Variants in CACNA2D3 observed in about 807,000 individuals in gnomAD.
CACNA2D3 encodes the protein voltage-dependent calcium channel subunit alpha-2/delta-3.
CACNA2D3 carries 60 observed loss-of-function variants against 160.6 expected under a neutral mutation model. The observed-to-expected ratio is 0.37, with a 90% CI of 0.30 to 0.46. The LOEUF (loss-of-function observed/expected upper bound fraction) is 0.46. CACNA2D3 is among the 20% of genes least tolerant of loss of function. The probability of loss-of-function intolerance (pLI) is 1.00; values close to 1 mark genes in which losing one functional copy is unlikely to be tolerated. For missense variants in CACNA2D3, 1,205 were observed against 1,365.0 expected, an observed-to-expected ratio of 0.88 and a Z score of 1.85; for synonymous variants, 558 against 492.9, an observed-to-expected ratio of 1.13 and a Z score of -1.75.
At chr3:54,812,227 A>G (rs1703336514) in intron 13 of CACNA2D3, among the ~76,000 whole-genome samples, 1 of 152,204 alleles carries the variant, frequency 6.6e-6, no homozygotes, top group African/African-American at 2.4e-5. Flanking sequence ...AACTGCTTAT[A>G]TCTTTAATAG....
intron 31 of CACNA2D3, among the ~76,000 whole-genome samples, chr3:54,988,966 T>G (rs1363721460): frequency 6.6e-6 from 1 of 152,246 alleles, no homozygotes; most frequent in Non-Finnish European, 1.5e-5. Flanking sequence ...TCTTCTTTGC[T>G]GGGAGTCATT....
chr3:54,420,687 T>A (rs1420354561), intron 4 of CACNA2D3, among the ~76,000 whole-genome samples: 1 of 152,154 alleles, frequency 6.6e-6, no homozygotes, highest in African/African-American at 2.4e-5. Flanking sequence ...GGGGAGGAGA[T>A]GTACTATTAT....
intron 27 of CACNA2D3, among the ~76,000 whole-genome samples, chr3:54,951,281 G>C (rs940450132): frequency 6.6e-5 from 10 of 152,194 alleles, no homozygotes; most frequent in Non-Finnish European, 1.0e-4. Context: ...AATCCTGCCA[G>C]ATACCTCTGT....
intron 11 of CACNA2D3, among the ~76,000 whole-genome samples, chr3:54,658,690 G>A (rs920711300): frequency 2.6e-5 from 4 of 152,126 alleles, no homozygotes; most frequent in Non-Finnish European, 4.4e-5. Context: ...GCACAGCAAC[G>A]GATACAATCA....
At chr3:54,678,743 A>C (rs994993581) in intron 11 of CACNA2D3, among the ~76,000 whole-genome samples, 12 of 150,376 alleles carry the variant, frequency 8.0e-5, no homozygotes, top group Middle Eastern at 3.4e-3. Context: ...AAAAAAAAAA[A>C]AAAAAAGTTG....
chr3:54,987,846 C>G, intron 31 of CACNA2D3, 93 bp downstream of exon 31: 7 of 865,684 alleles, frequency 8.1e-6, no homozygotes, highest in Non-Finnish European at 1.2e-5. Context: ...CCAGACTTGA[C>G]CCTGTGGCTG....
At chr3:54,233,037 C>A (rs990317717) in intron 2 of CACNA2D3, among the ~76,000 whole-genome samples, 1 of 152,174 alleles carries the variant, frequency 6.6e-6, no homozygotes, top group African/African-American at 2.4e-5. Flanking sequence ...ACCAGAAAGA[C>A]AAATATGGCG....
intron 4 of CACNA2D3, among the ~76,000 whole-genome samples, chr3:54,462,938 G>GT (rs1487325694): frequency 6.7e-6 from 1 of 149,620 alleles, no homozygotes; most frequent in Non-Finnish European, 1.5e-5. Context: ...CATGTTTAGT[G>GT]CTTCCTTCAG....
At chr3:54,867,019 A>C (rs1037290823) in intron 17 of CACNA2D3, among the ~76,000 whole-genome samples, 1 of 152,266 alleles carries the variant, frequency 6.6e-6, no homozygotes, top group African/African-American at 2.4e-5. Context: ...TGGCTCTCAA[A>C]GTATCTGTTT....
intron 5 of CACNA2D3, among the ~76,000 whole-genome samples, chr3:54,556,615 AGAGGTG>A (rs2106695540): frequency 6.6e-6 from 1 of 152,316 alleles, no homozygotes; most frequent in South Asian, 2.1e-4. Context: ...TAAAAAGATG[AGAGGTG>A]GAGGTACAAG....
intron 4 of CACNA2D3, among the ~76,000 whole-genome samples, chr3:54,459,999 C>T (rs1410708258): frequency 6.6e-6 from 1 of 152,034 alleles, no homozygotes; most frequent in Non-Finnish European, 1.5e-5. Context: ...TATGGCTAGC[C>T]AGTTTTCCCA....
intron 11 of CACNA2D3, among the ~76,000 whole-genome samples, chr3:54,713,791 G>A (rs1380493512): frequency 6.6e-6 from 1 of 152,238 alleles, no homozygotes; most frequent in African/African-American, 2.4e-5. Context: ...CTGGGGCTAA[G>A]GAGTCTGTAG....
At chr3:54,380,520 C>T (rs778789942) in intron 3 of CACNA2D3, among the ~76,000 whole-genome samples, 5 of 152,066 alleles carry the variant, frequency 3.3e-5, no homozygotes, top group Admixed American at 2.0e-4. Context: ...AGGCGGATCA[C>T]GAGGTCAGGA....
intron 4 of CACNA2D3, among the ~76,000 whole-genome samples, chr3:54,416,421 C>A (rs72973121): frequency 6.6e-6 from 1 of 152,176 alleles, no homozygotes; most frequent in East Asian, 1.9e-4. Context: ...AGAGTAGGCA[C>A]CTGACATCTA....
At chr3:54,213,663 C>G (rs1176308110) in intron 2 of CACNA2D3, among the ~76,000 whole-genome samples, 2 of 152,200 alleles carry the variant, frequency 1.3e-5, no homozygotes, top group Non-Finnish European at 2.9e-5. Context: ...TGTGGACCCA[C>G]TGGTCTCATT....
At chr3:54,804,228 A>G (rs1200483622) in intron 13 of CACNA2D3, among the ~76,000 whole-genome samples, 3 of 151,944 alleles carry the variant, frequency 2.0e-5, no homozygotes, top group Non-Finnish European at 4.4e-5. Flanking sequence ...ATGTAAATGG[A>G]CTAAATGCTC....
chr3:55,073,402 G>T (rs763757613), intron 35 of CACNA2D3, 43 bp from the exon 36 acceptor site: 1 of 1,460,438 alleles, frequency 6.8e-7, no homozygotes. Context: ...CTCTTTAATT[G>T]ACGGATGGTA....
intron 27 of CACNA2D3, among the ~76,000 whole-genome samples, chr3:54,946,663 T>TG (rs2107002228): frequency 6.6e-6 from 1 of 152,164 alleles, no homozygotes; most frequent in East Asian, 1.9e-4. Context: ...GGTGCAAACC[T>TG]GGGGGGAGCT....
At chr3:54,898,734 G>T (rs1200199346) in intron 26 of CACNA2D3, among the ~76,000 whole-genome samples, 1 of 152,162 alleles carries the variant, frequency 6.6e-6, no homozygotes, top group Non-Finnish European at 1.5e-5. Context: ...TGTTGGATTG[G>T]TTTTTGGTAA....
Sources: gnomAD v4.1 joint callset for allele counts (sites outside exome capture counted in the v4.1 genomes callset) on GRCh38, gnomAD v4.1.1 for gene constraint, MANE v1.5 for transcripts, NCBI Gene and HGNC (gene_info 2026-07-23, HGNC 2026-07-21) for gene names.